ODAD2: variants seen among roughly 807,000 people sequenced by gnomAD.
ODAD2 encodes outer dynein arm-docking complex subunit 2.
ODAD2 carries 89 observed loss-of-function variants against 106.8 expected under a neutral mutation model. That is an observed-to-expected ratio of 0.83 (90% confidence interval 0.70 to 0.99). ODAD2 has a LOEUF of 0.99. Ranked by LOEUF, ODAD2 falls within the 50% of genes least tolerant of loss-of-function variation. The probability of loss-of-function intolerance (pLI) is 0.00; values close to 1 mark genes in which losing one functional copy is unlikely to be tolerated. For synonymous variants in ODAD2, 404 were observed against 436.2 expected, an observed-to-expected ratio of 0.93 and a Z score of 0.92; for missense variants, 1,168 against 1,238.5, an observed-to-expected ratio of 0.94 and a Z score of 0.85.
intron 2 of ODAD2, among the ~76,000 whole-genome samples, chr10:27,993,974 A>ATGTATG (rs1554826305): frequency 6.3e-4 from 88 of 140,618 alleles, no homozygotes; most frequent in African/African-American, 2.2e-3. Context: ...ATATATATAT[A>ATGTATG]TGTGTGTGTG....
In ODAD2 at chr10:27,995,118, T is replaced by C. The variant is rs755850184; in HGVS notation, c.25A>G (p.Thr9Ala). The C allele has an allele frequency of 1.2e-6, 2 of 1,614,162 alleles. No homozygotes were observed. Among genetic ancestry groups the C allele is most frequent in the Non-Finnish European group, 1.7e-6 (2 of 1,180,036 alleles). Residue 9 changes from threonine to alanine, a missense_variant, in exon 2 of 20, where the codon ACG becomes GCG. By Grantham distance (58) the Thr-to-Ala change is moderately conservative. Coordinates refer to ENST00000305242, the MANE Select transcript of ODAD2 (RefSeq NM_018076.5). Reference protein sequence around the residue: MGVALRKLTQWTAAGHGTG... With the variant: MGVALRKLAQWTAAGHGTG... ...CCATGTCCGGCAGCAGTCCACTGCGTCAATTTCCTCAGAGCCACACCCATG... is the reference window on the plus strand; with the variant it reads ...CCATGTCCGGCAGCAGTCCACTGCGCCAATTTCCTCAGAGCCACACCCATG...
At position 27,997,754 on chromosome 10, in the gene ODAD2, G is replaced by A. The variant is rs188037925; in HGVS notation, c.-39+1240C>T. 2.1e-3 allele frequency among the ~76,000 whole-genome samples: 321 copies of A among 152,224 alleles called. 2 individuals carry two copies. The highest frequency in any genetic ancestry group is 7.4e-3 in the African/African-American group (308 of 41,552). ...AATAAATAAATGGTGTTCAAAAATG[G>A]TCGGCATAACTCAAAACTAAGATTT... On this transcript the variant is annotated intron_variant, in intron 1 of 19. Transcript: ENST00000305242.
intron 19 of ODAD2, among the ~76,000 whole-genome samples, chr10:27,849,072 A>G (rs1361751289): frequency 1.3e-5 from 2 of 152,244 alleles, no homozygotes; most frequent in Non-Finnish European, 2.9e-5. Flanking sequence ...AAAGGATTAT[A>G]AAGCATGCTG....
chr10:27,980,750 G>A (rs1163070407), intron 7 of ODAD2, among the ~76,000 whole-genome samples: 9 of 152,256 alleles, frequency 5.9e-5, no homozygotes, highest in East Asian at 3.9e-4. Flanking sequence ...TGTGGCCCCC[G>A]TGGAAAACAG....
intron 19 of ODAD2, among the ~76,000 whole-genome samples, chr10:27,848,731 AG>A (rs1839001800): frequency 6.6e-6 from 1 of 152,182 alleles, no homozygotes; most frequent in Non-Finnish European, 1.5e-5. Context: ...TCCATCAAAA[AG>A]TGGGCAAAGG....
chr10:27,924,614 G>GAAAAAAAAAAAAAAAA (rs60226782), intron 16 of ODAD2, among the ~76,000 whole-genome samples: 6 of 12,648 alleles, frequency 4.7e-4, no homozygotes, highest in Non-Finnish European at 5.8e-4. Flanking sequence ...TGATTAGGAG[G>GAAAAAAAAAAAAAAAA]AAAAAAAAAA....
chr10:27,926,942 C>T (rs147480495), intron 16 of ODAD2, among the ~76,000 whole-genome samples: 7 of 152,040 alleles, frequency 4.6e-5, no homozygotes, highest in Non-Finnish European at 7.4e-5. Flanking sequence ...AAACAAGAAA[C>T]GAAAATTCAG....
intron 17 of ODAD2, among the ~76,000 whole-genome samples, chr10:27,881,559 C>T: frequency 6.6e-6 from 1 of 151,952 alleles, no homozygotes; most frequent in Non-Finnish European, 1.5e-5. Context: ...ATCACTTGAG[C>T]CCAGGAGTTT....
At chr10:27,985,858 G>T (rs2133145017) in intron 3 of ODAD2, among the ~76,000 whole-genome samples, 1 of 151,776 alleles carries the variant, frequency 6.6e-6, no homozygotes, top group South Asian at 2.1e-4. Flanking sequence ...GGCTGATACA[G>T]ATGTGAAAGT....
intron 17 of ODAD2, among the ~76,000 whole-genome samples, chr10:27,905,634 A>G (rs1045891953): frequency 6.6e-6 from 1 of 152,220 alleles, no homozygotes; most frequent in Non-Finnish European, 1.5e-5. Context: ...AGGCTACAGT[A>G]ACTAAAACAG....
chr10:27,995,746 TA>T (rs1850523447), intron 1 of ODAD2: 1 of 152,594 alleles, frequency 6.6e-6, no homozygotes, highest in African/African-American at 2.4e-5. Context: ...AGAAATAGAA[TA>T]AGAACAGTAT....
chr10:27,872,931 G>T (rs895776131), intron 17 of ODAD2, among the ~76,000 whole-genome samples: 2 of 152,144 alleles, frequency 1.3e-5, no homozygotes, highest in Non-Finnish European at 1.5e-5. Context: ...AGAAGGAATG[G>T]TCCCCGCTCC....
chr10:27,860,650 G>A lies in ODAD2; in HGVS notation c.2996C>T (p.Thr999Ile), dbSNP rs1250603469. 1 of 1,613,866 alleles carries A rather than the reference G, an allele frequency of 6.2e-7. No homozygotes were observed. The highest frequency in any genetic ancestry group is 8.5e-7 in the Non-Finnish European group (1 of 1,179,948). Residue 999 changes from threonine (T) to isoleucine (I), a missense_variant, in exon 19 of 20, where the codon ACC becomes ATC. Around this residue, in one of 3 missense-constraint regions of ODAD2, gnomAD observed 701 missense variants for 712.3 expected, o/e 0.98. Coordinates refer to ENST00000305242, the MANE Select transcript of ODAD2 (RefSeq NM_018076.5). ...CTTTACTGCACCATTCTCATGCATGGTGATGCAGTTATCGGCGTCTTCTGA... is the reference window on the plus strand; with the variant it reads ...CTTTACTGCACCATTCTCATGCATGATGATGCAGTTATCGGCGTCTTCTGA... ...QLSEDADNCI[T>I]MHENGAVKLL...
chr10:27,970,970 TTAAATAAATAAATAAA>T lies in ODAD2; in HGVS notation c.1142+122_1142+137del, dbSNP rs59193868. 1.3e-4 allele frequency: 41 copies of T among 306,062 alleles called. 6 individuals carry two copies. Among genetic ancestry groups the T allele is most frequent in the Non-Finnish European group, 1.8e-4 (35 of 195,268 alleles). 19.0% of individuals were successfully genotyped at this position (306,062 alleles called of 1,614,324 possible). A position where few individuals can be genotyped will look rare whatever the true frequency, so the allele number is the denominator to read the frequency against. ...CTGGGCAACAGAGCAAGACTCCATCTTAAATAAATAAATAAATAAATAAATAAATAAATAAATAAAC... is the reference window on the plus strand; with the variant it reads ...CTGGGCAACAGAGCAAGACTCCATCTTAAATAAATAAATAAATAAATAAAC... On this transcript the variant is annotated intron_variant, in intron 8 of 19. Coordinates refer to ENST00000305242, the MANE Select transcript of ODAD2 (RefSeq NM_018076.5).
At position 27,812,594 on chromosome 10, in the gene ODAD2, T is replaced by C. The variant is rs1176150216; in HGVS notation, c.3053A>G (p.Gln1018Arg). The C allele has an allele frequency of 2.5e-6, 4 of 1,612,790 alleles. No individual in the cohort carries two copies. The highest frequency in any genetic ancestry group is 3.4e-6 in the Non-Finnish European group (4 of 1,179,766). Residue 1018 changes from glutamine (Q) to arginine (R), a missense_variant, in exon 20 of 20, where the codon CAG (glutamine) becomes CGG (arginine). Coordinates refer to ENST00000305242, the MANE Select transcript of ODAD2 (RefSeq NM_018076.5). ...ACCAGCTGCAGCTTCCTGGAGATCC[T>C]GGTCAGGGGACCCAACCATATCCAG... ...LLLDMVGSPD[Q>R]DLQEAAAGCI...
chr10:27,821,948 C>T (rs993608318), intron 19 of ODAD2, among the ~76,000 whole-genome samples: 5 of 152,180 alleles, frequency 3.3e-5, no homozygotes, highest in African/African-American at 1.2e-4. Flanking sequence ...TGAAGGAAAA[C>T]TAGCCCCCAC....
chr10:27,929,247 GGA>G (rs1845453178), intron 16 of ODAD2, among the ~76,000 whole-genome samples: 1 of 152,060 alleles, frequency 6.6e-6, no homozygotes, highest in South Asian at 2.1e-4. Flanking sequence ...AAGGATTGAT[GGA>G]TAGATAAGGC....
intron 17 of ODAD2, among the ~76,000 whole-genome samples, chr10:27,906,453 C>A (rs942006970): frequency 3.1e-4 from 47 of 152,136 alleles, no homozygotes; most frequent in Admixed American, 2.0e-4. Flanking sequence ...GACAGTGTGG[C>A]GGTTCCTCAA....
chr10:27,924,028 A>AAG (rs770545877), intron 16 of ODAD2, among the ~76,000 whole-genome samples: 2 of 108,416 alleles, frequency 1.8e-5, no homozygotes, highest in East Asian at 3.1e-4. Context: ...GAAAGAAGGA[A>AAG]AGAGAAAGAA....
Sources: allele counts gnomAD v4.1 joint callset (sites outside exome capture counted in the v4.1 genomes callset), GRCh38; gene constraint gnomAD v4.1.1; regional missense constraint gnomAD v4.1.1; transcripts MANE v1.5; gene names NCBI Gene and HGNC (gene_info 2026-07-23, HGNC 2026-07-21).